LRRTM4: variants seen among roughly 807,000 people sequenced by gnomAD.
LRRTM4 encodes the protein leucine-rich repeat transmembrane neuronal protein 4.
A neutral mutation model predicts 47.6 loss-of-function variants in LRRTM4; 25 were observed. The observed-to-expected ratio is 0.53, with a 90% CI of 0.38 to 0.73. LRRTM4 has a LOEUF of 0.73. Among genes scored for constraint, LRRTM4 ranks in the 30% least tolerant of loss-of-function variants. The pLI is 0.00. For missense variants in LRRTM4, 638 were observed against 713.4 expected (o/e 0.89, Z 1.20); for synonymous variants, 311 against 269.5 (o/e 1.15, Z -1.51).
At chr2:76,868,555 T>C (rs1672530247) in intron 3 of LRRTM4, among the ~76,000 whole-genome samples, 2 of 152,208 alleles carry the variant, frequency 1.3e-5, no homozygotes, top group African/African-American at 4.8e-5. Context: ...TTTAGGATTA[T>C]ATTAGAGACA....
chr2:76,761,838 A>T (rs1673265335), intron 3 of LRRTM4, among the ~76,000 whole-genome samples: 1 of 152,208 alleles, frequency 6.6e-6, no homozygotes, highest in Non-Finnish European at 1.5e-5. Flanking sequence ...TTAGGGGAGG[A>T]TCATTAAATT....
intron 3 of LRRTM4, among the ~76,000 whole-genome samples, chr2:76,924,406 G>A (rs1373189850): frequency 6.6e-6 from 1 of 151,924 alleles, no homozygotes; most frequent in Non-Finnish European, 1.5e-5. Context: ...TTAGAGCCAG[G>A]AGTACAATTT....
intron 3 of LRRTM4, among the ~76,000 whole-genome samples, chr2:77,321,608 T>A (rs1677794369): frequency 8.3e-6 from 1 of 120,922 alleles, no homozygotes; most frequent in Non-Finnish European, 1.7e-5. Context: ...AGAAATGAAT[T>A]GCCATGACTT....
intron 3 of LRRTM4, among the ~76,000 whole-genome samples, chr2:76,805,921 T>C (rs1423003241): frequency 6.6e-6 from 1 of 152,130 alleles, no homozygotes; most frequent in Non-Finnish European, 1.5e-5. Flanking sequence ...TAAATCTTTC[T>C]CTATCTCTGT....
intron 3 of LRRTM4, among the ~76,000 whole-genome samples, chr2:77,247,694 A>G (rs1240056330): frequency 2.0e-5 from 3 of 152,058 alleles, no homozygotes; most frequent in African/African-American, 7.2e-5. Context: ...GGTTGGAGAG[A>G]AAATTTTGAG....
chr2:77,208,237 A>T (rs1674196463), intron 3 of LRRTM4, among the ~76,000 whole-genome samples: 2 of 152,110 alleles, frequency 1.3e-5, no homozygotes, highest in African/African-American at 2.4e-5. Flanking sequence ...AATTGAATCA[A>T]CAATCACGTG....
At chr2:76,843,649 A>C (rs1671752644) in intron 3 of LRRTM4, among the ~76,000 whole-genome samples, 1 of 152,222 alleles carries the variant, frequency 6.6e-6, no homozygotes. Context: ...GATGGACAAT[A>C]AACAGACAAA....
chr2:77,110,411 T>C (rs1348869520), intron 3 of LRRTM4, among the ~76,000 whole-genome samples: 1 of 152,176 alleles, frequency 6.6e-6, no homozygotes, highest in Non-Finnish European at 1.5e-5. Context: ...TGTAAGATAT[T>C]ATTTAGGGAG....
chr2:76,829,130 A>G (rs1264351025), intron 3 of LRRTM4, among the ~76,000 whole-genome samples: 1 of 151,880 alleles, frequency 6.6e-6, no homozygotes, highest in African/African-American at 2.4e-5. Context: ...TTCTGCTCAA[A>G]TGTTCCCAAA....
rs541166380 is a variant in LRRTM4 at position 77,296,166 on chromosome 2, G to T, written c.1551+222152C>A. Among the ~76,000 whole-genome samples the T allele has an allele frequency of 1.2e-4, 19 of 152,026 alleles. No individual in the cohort carries two copies. In the East Asian group the frequency reaches 3.5e-3, roughly 28 times the overall value. Reference sequence around the variant, plus strand: ...AAAAATTTCAACCTGAAAATACATGGCAACTTGTAGATACGATAGAAATAT... The same window carrying T: ...AAAAATTTCAACCTGAAAATACATGTCAACTTGTAGATACGATAGAAATAT... On this transcript the variant is annotated intron_variant, in intron 3 of 3. Coordinates refer to ENST00000409884, the MANE Select transcript of LRRTM4 (RefSeq NM_001134745.3).
intron 3 of LRRTM4, among the ~76,000 whole-genome samples, chr2:77,428,556 G>T (rs1392504770): frequency 6.6e-6 from 1 of 152,042 alleles, no homozygotes; most frequent in African/African-American, 2.4e-5. Flanking sequence ...GTAGAATATT[G>T]CCTTTTCCCA....
intron 3 of LRRTM4, among the ~76,000 whole-genome samples, chr2:77,108,836 G>T (rs1426365158): frequency 2.0e-5 from 3 of 151,946 alleles, no homozygotes; most frequent in Non-Finnish European, 4.4e-5. Context: ...GCCCGCCTCG[G>T]CCTCCCAAAG....
At chr2:76,942,296 G>A (rs917284794) in intron 3 of LRRTM4, among the ~76,000 whole-genome samples, 1 of 152,068 alleles carries the variant, frequency 6.6e-6, no homozygotes, top group Non-Finnish European at 1.5e-5. Context: ...TTGCTGTGCA[G>A]AAACTCTTTA....
At chr2:76,921,594 ATC>A (rs1192114644) in intron 3 of LRRTM4, among the ~76,000 whole-genome samples, 1 of 152,064 alleles carries the variant, frequency 6.6e-6, no homozygotes, top group East Asian at 1.9e-4. Flanking sequence ...ATTTGTTTCT[ATC>A]TCTCATTTAT....
At chr2:76,798,025 A>G (rs1558660753) in intron 3 of LRRTM4, among the ~76,000 whole-genome samples, 1 of 146,842 alleles carries the variant, frequency 6.8e-6, no homozygotes, top group Non-Finnish European at 1.5e-5. Context: ...CCCACTGTCA[A>G]CATTAGACAG....
At chr2:76,974,366 G>T (rs1676346100) in intron 3 of LRRTM4, among the ~76,000 whole-genome samples, 1 of 149,758 alleles carries the variant, frequency 6.7e-6, no homozygotes, top group African/African-American at 2.4e-5. Flanking sequence ...AAAAATAAAT[G>T]GTTTTTGAGC....
Position 77,392,511 on chromosome 2 carries a change from A to G in LRRTM4, c.1551+125807T>C, listed in dbSNP as rs567183652. Among the ~76,000 whole-genome samples, 40 of 152,210 alleles carry G rather than the reference A, an allele frequency of 2.6e-4. 1 individual carries two copies. The highest frequency in any genetic ancestry group is 7.9e-4 in the African/African-American group (33 of 41,556). ...AAAGACAATGTAGTATATATACACA[A>G]TGGAATATAATTTAGCCTTACAAAA... On this transcript the variant is annotated intron_variant, in intron 3 of 3. Transcript: ENST00000409884.
intron 3 of LRRTM4, among the ~76,000 whole-genome samples, chr2:76,850,422 TC>T (rs1671959602): frequency 6.6e-6 from 1 of 152,184 alleles, no homozygotes; most frequent in Non-Finnish European, 1.5e-5. Flanking sequence ...AAATCTTGGT[TC>T]CATCGACAAT....
chr2:77,288,806 G>A lies in LRRTM4; in HGVS notation c.1551+229512C>T, dbSNP rs551262500. Reference sequence around the variant, plus strand: ...GTTTCCCAATTTCCCAGACTTTCTTGCAATTAGAGATAACTTTTGCCATGT... The same window carrying A: ...GTTTCCCAATTTCCCAGACTTTCTTACAATTAGAGATAACTTTTGCCATGT... On this transcript the variant is annotated intron_variant, in intron 3 of 3. Coordinates refer to ENST00000409884, the MANE Select transcript of LRRTM4 (RefSeq NM_001134745.3). 1.2e-4 allele frequency among the ~76,000 whole-genome samples: 19 copies of A among 152,048 alleles called. No homozygotes were observed. The Middle Eastern group carries it at 0.014, about 109-fold the overall frequency.
Sources: gnomAD v4.1 joint callset for allele counts (sites outside exome capture counted in the v4.1 genomes callset) on GRCh38, gnomAD v4.1.1 for gene constraint, MANE v1.5 for transcripts, NCBI Gene and HGNC (gene_info 2026-07-23, HGNC 2026-07-21) for gene names.